The following NBPF14 variants were observed in gnomAD, a reference collection of about 807,000 sequenced individuals.
NBPF14 encodes the protein NBPF member 14, also known as NBPF family member NBPF14.
A neutral mutation model predicts 91.2 loss-of-function variants in NBPF14; 104 were observed. That is an observed-to-expected ratio of 1.14 (90% CI 0.97 to 1.34). The LOEUF is 1.34. NBPF14 is among the 40% of genes most tolerant of loss of function. NBPF14 has a pLI of 0.00. For synonymous variants in NBPF14, 294 were observed against 303.8 expected (o/e 0.97, Z 0.34); for missense variants, 908 against 783.0 (o/e 1.16, Z -1.91).
chr1:148,587,486 C>T (rs1661739622), intron 7 of NBPF14, 83 bp from the exon 8 acceptor site: 2 of 1,343,090 alleles, frequency 1.5e-6, no homozygotes, highest in East Asian at 2.3e-5. Context: ...GAGCCAGGTC[C>T]ATCCCAAGGA....
intron 39 of NBPF14, 133 bp from the exon 40 acceptor site, chr1:148,557,675 C>G: frequency 3.2e-6 from 2 of 616,388 alleles, no homozygotes; most frequent in South Asian, 3.4e-5. Context: ...AGATATACTT[C>G]AGGAGGCCTG....
chr1:148,539,494 C>T, exon 63 of NBPF14: 1 of 305,082 alleles, frequency 3.3e-6, no homozygotes, highest in Admixed American at 5.0e-5. Context: ...TCAGGCAGTT[C>T]AAGATAACCT....
exon 21 of NBPF14, chr1:148,572,467 G>C (rs1203716940): frequency 1.9e-6 from 1 of 538,462 alleles, no homozygotes; most frequent in South Asian, 1.8e-5. Flanking sequence ...GCCAAGCCAA[G>C]GTACTGTTCC....
chr1:148,559,299 C>A (rs1198395581), intron 37 of NBPF14, among the ~76,000 whole-genome samples: 3 of 119,712 alleles, frequency 2.5e-5, no homozygotes, highest in South Asian at 3.1e-4. Context: ...ATCGTTATCC[C>A]AATATCATTT....
rs1162154479 is a variant in NBPF14, at chr1:148,566,288, T to C, written c.3570A>G (p.Val1190=). The C allele has an allele frequency of 6.3e-5, 43 of 680,900 alleles. 6 individuals carry two copies. Among genetic ancestry groups the C allele is most frequent in the Non-Finnish European group, 9.5e-5 (36 of 380,800 alleles). The allele number at this position is 680,900 out of a possible 1,614,324, so 42.2% of individuals were successfully genotyped here. Residue 1190 remains valine, a synonymous_variant, in exon 29 of 71, where the codon GTA becomes GTG. Coordinates refer to ENST00000619423, the Ensembl canonical transcript of NBPF14. ...GTGAGTCCTGCAAGACTTCAGGCTC[T>C]ACTACCTCCAGCAGCTCCCTGCTGA...
At chr1:148,594,635 AAGC>A (rs1460669749) in intron 2 of NBPF14, among the ~76,000 whole-genome samples, 2 of 72,808 alleles carry the variant, frequency 2.7e-5, no homozygotes, top group African/African-American at 2.1e-4. Context: ...GTGCACCAGG[AAGC>A]AGGACTTCAC....
chr1:148,533,390 T>C (rs1481937068), intron 70 of NBPF14, 142 bp from the exon 71 acceptor site: 1 of 585,306 alleles, frequency 1.7e-6, no homozygotes, highest in Non-Finnish European at 3.0e-6. Flanking sequence ...AAAAATTTAT[T>C]GCCTTTATGT....
intron 12 of NBPF14, among the ~76,000 whole-genome samples, chr1:148,579,773 G>C (rs1660617254): frequency 6.6e-6 from 1 of 152,176 alleles, no homozygotes; most frequent in South Asian, 2.1e-4. Flanking sequence ...ACACATGGGA[G>C]AGAATAGGCA....
chr1:148,566,107 A>C (rs1658213751), intron 29 of NBPF14, 36 bp downstream of exon 29: 1 of 450,394 alleles, frequency 2.2e-6, no homozygotes. Flanking sequence ...TGGAAGACTC[A>C]GTGGATCCTT....
intron 37 of NBPF14, among the ~76,000 whole-genome samples, chr1:148,559,365 TG>T (rs1657190842): frequency 7.6e-6 from 1 of 131,624 alleles, no homozygotes; most frequent in Admixed American, 7.4e-5. Context: ...TTAAAGCAAT[TG>T]CCCCCAAATG....
At chr1:148,533,100 T>G in exon 71 of NBPF14, 1 of 902,330 alleles carries the variant, frequency 1.1e-6, no homozygotes, top group South Asian at 1.8e-5. Flanking sequence ...GCGAAGCTGA[T>G]GTGCTGTTCC....
chr1:148,533,855 A>C lies in NBPF14; in HGVS notation c.8723+6T>G. 3 of 765,034 alleles carry C rather than the reference A, an allele frequency of 3.9e-6. No individual in the cohort carries two copies. Among genetic ancestry groups the C allele is most frequent in the Non-Finnish European group, 7.2e-6 (3 of 418,136 alleles). The allele number at this position is 765,034 out of a possible 1,614,324, so 47.4% of individuals were successfully genotyped here. On this transcript the variant is annotated splice_donor_region_variant and intron_variant, in intron 70 of 70. Transcript: ENST00000619423. Reference sequence around the variant, plus strand: ...GAACTAAGGATCCACAATTGCTGAAAGTCACCTGGGGCATGGTGGGTTTTG... The same window carrying C: ...GAACTAAGGATCCACAATTGCTGAACGTCACCTGGGGCATGGTGGGTTTTG...
In NBPF14 at chr1:148,592,649, A is replaced by G. The variant is rs1662698931; in HGVS notation, c.396T>C (p.Thr132=). ...CCTGGGACTTGTCCGGCTCATACGG[A>G]GTGAGGAGGGCCTGGAGATGCTCAT... Residue 132 remains threonine, a synonymous_variant, in exon 4 of 71, where the codon ACT becomes ACC. Transcript: ENST00000619423. 2 of 1,588,130 alleles carry G rather than the reference A, an allele frequency of 1.3e-6. 1 individual carries two copies. The highest frequency in any genetic ancestry group is 4.5e-5 in the East Asian group (2 of 44,836).
At chr1:148,541,987 C>G (rs1247918586) in intron 59 of NBPF14, 148 bp from the exon 60 acceptor site, 1 of 76,658 alleles carries the variant, frequency 1.3e-5, no homozygotes, top group Non-Finnish European at 1.8e-5. Context: ...GGCCTGAAGG[C>G]TGGTTATGAT....
rs1450665514 is a variant in NBPF14 at position 148,534,300 on chromosome 1, G to C, written c.8615-331C>G. The stretch of plus-strand genomic sequence containing the variant: ...TCTAGGAGAAAAACTGCAATATTTA[G>C]CCCTGTCTCATCAAATACTCAGATT... On this transcript the variant is annotated intron_variant, in intron 69 of 70. Coordinates refer to ENST00000619423, the Ensembl canonical transcript of NBPF14. Among the ~76,000 whole-genome samples the C allele has an allele frequency of 5.3e-5, 8 of 151,872 alleles. No homozygotes were observed. In the South Asian group the frequency reaches 6.2e-4, roughly 12 times the overall value.
intron 14 of NBPF14, among the ~76,000 whole-genome samples, chr1:148,577,736 G>A (rs1219762784): frequency 1.6e-4 from 22 of 141,004 alleles, no homozygotes; most frequent in African/African-American, 4.8e-4. Context: ...CAAGTTTCCC[G>A]GCAGTTACCA....
intron 11 of NBPF14, among the ~76,000 whole-genome samples, chr1:148,584,082 G>A (rs1436514346): frequency 1.8e-4 from 26 of 147,684 alleles, no homozygotes; most frequent in South Asian, 2.2e-4. Flanking sequence ...CCTGGGGAAC[G>A]ATATTTCCAA....
intron 10 of NBPF14, 42 bp downstream of exon 10, chr1:148,585,097 CAT>C (rs1175013962): frequency 3.7e-5 from 41 of 1,095,096 alleles, no homozygotes; most frequent in Non-Finnish European, 5.7e-5. Flanking sequence ...AGATATTCCT[CAT>C]ATGTTACCAT....
rs1409581133 is a variant in NBPF14, at chr1:148,534,816, A to T, written c.8482T>A (p.Leu2828Met). The T allele has an allele frequency of 4.5e-6, 5 of 1,117,578 alleles. 1 individual carries two copies. The African/African-American group carries it at 9.1e-5, about 20-fold the overall frequency. 69.2% of individuals were successfully genotyped at this position (1,117,578 alleles called of 1,614,324 possible). The change falls in exon 69 of 71, where the codon TTG (leucine) becomes ATG (methionine). Residue 2828 changes from leucine to methionine, a missense_variant. Physicochemically the swap from Leu to Met is conservative, Grantham distance 15. Transcript: ENST00000619423. ...TAACATCTATCCAGTGAGTCCTGCAAGACTTCAGGATCTTTCTCATCCAGC... is the reference window on the plus strand; with the variant it reads ...TAACATCTATCCAGTGAGTCCTGCATGACTTCAGGATCTTTCTCATCCAGC...
Sources: gnomAD v4.1 joint callset for allele counts (sites outside exome capture counted in the v4.1 genomes callset) on GRCh38, gnomAD v4.1.1 for gene constraint, MANE v1.5 for transcripts, NCBI Gene and HGNC (gene_info 2026-07-23, HGNC 2026-07-21) for gene names.